MFAP3L: variants seen among roughly 807,000 people sequenced by gnomAD.
MFAP3L encodes microfibrillar-associated protein 3-like.
MFAP3L carries 5 observed loss-of-function variants against 20.0 expected under a neutral mutation model. The ratio of observed to expected loss-of-function variants is 0.25; its 90% CI spans 0.13 to 0.53. The LOEUF is 0.53. Ranked by LOEUF, MFAP3L falls within the 20% of genes least tolerant of loss-of-function variation. The pLI, the probability that MFAP3L is intolerant of heterozygous loss-of-function variation, is 0.96. For missense variants in MFAP3L, 409 were observed against 527.5 expected (o/e 0.78, Z 2.20); for synonymous variants, 219 against 213.0 (o/e 1.03, Z -0.25).
intron 2 of MFAP3L, among the ~76,000 whole-genome samples, chr4:170,000,544 A>G (rs1738540049): frequency 6.6e-6 from 1 of 152,220 alleles, no homozygotes; most frequent in Non-Finnish European, 1.5e-5. Context: ...TCCCACTTGT[A>G]GTAAAAAAGG....
intron 2 of MFAP3L, among the ~76,000 whole-genome samples, chr4:169,998,219 C>A (rs561592085): frequency 6.6e-6 from 1 of 152,330 alleles, no homozygotes; most frequent in South Asian, 2.1e-4. Flanking sequence ...CTCAATAGGA[C>A]AGTGCCAGGT....
upstream of MFAP3L, among the ~76,000 whole-genome samples, chr4:170,026,590 C>G (rs1730454255): frequency 6.6e-6 from 1 of 151,730 alleles, no homozygotes. Context: ...GGAGGAGCCA[C>G]CGGAGGCTGT....
At position 169,988,595 on chromosome 4, in the gene MFAP3L, C is replaced by T. The variant is rs1334858983; in HGVS notation, c.*2783G>A. 2.0e-5 allele frequency: 3 copies of T among 151,764 alleles called. No homozygotes were observed. Among genetic ancestry groups the T allele is most frequent in the Non-Finnish European group, 4.4e-5 (3 of 68,032 alleles). 9.4% of individuals were successfully genotyped at this position (151,764 alleles called of 1,614,324 possible). A position where few individuals can be genotyped will look rare whatever the true frequency, so the allele number is the denominator to read the frequency against. On this transcript the variant is annotated 3_prime_UTR_variant, in exon 3 of 3. Transcript: ENST00000361618. ...AATTTCTATGAAGCTGAACAGTTCA[C>T]TTTATCTTTGAAAAATCAGCTGAAA...
upstream of MFAP3L, chr4:170,026,544 CGGCGCGAGCCAGTCGGTGCTGCGGA>C (rs1560997092): frequency 6.6e-6 from 1 of 150,988 alleles, no homozygotes; most frequent in East Asian, 1.9e-4. Context: ...GCGGGCGGTG[CGGCGCGAGCCAGTCGGTGCTGCGGA>C]GCGGCCCCGC....
intron 2 of MFAP3L, among the ~76,000 whole-genome samples, chr4:170,004,521 GC>G (rs1560978928): frequency 6.6e-6 from 1 of 152,174 alleles, no homozygotes; most frequent in African/African-American, 2.4e-5. Context: ...CAATTAGACG[GC>G]TAGCAGCCTC....
intron 1 of MFAP3L, among the ~76,000 whole-genome samples, chr4:170,016,182 A>G (rs1739689149): frequency 6.6e-6 from 1 of 152,172 alleles, no homozygotes; most frequent in Admixed American, 6.5e-5. Flanking sequence ...AAACGCTAAG[A>G]TTCTTAAATT....
At chr4:170,027,237 T>C (rs1298726681), upstream of MFAP3L, 3 of 151,252 alleles carry the variant, frequency 2.0e-5, no homozygotes, top group Non-Finnish European at 4.4e-5. Context: ...TTTTTTTTTT[T>C]TTAATTTTAA....
rs1167478603 is a variant in MFAP3L at position 169,991,575 on chromosome 4, C to T, written c.1033G>A (p.Glu345Lys). The change falls in exon 3 of 3, where the codon GAG (glutamate) becomes AAG (lysine). Residue 345 changes from glutamate to lysine, a missense_variant. Glu to Lys is a moderately conservative substitution (Grantham distance 56, BLOSUM62 1). This residue lies in a region of MFAP3L where 169 missense variants were observed against 178.2 expected (regional missense o/e 0.95). Coordinates refer to ENST00000361618, the MANE Select transcript of MFAP3L (RefSeq NM_021647.8). This position sits in a 1 kb window ranked among gnomAD's most constrained non-coding sequence, Gnocchi z 4.9. ...GAATGTTCCGCCGACAGTTCTGTCT[C>T]CTCTACATCTTTGACTTCAAACTGT... is the stretch of plus-strand genomic sequence containing the variant. ...GGQFEVKDVE[E>K]TELSAEHSPE... 2 of 1,614,160 alleles carry T rather than the reference C, an allele frequency of 1.2e-6. No individual in the cohort carries two copies. Among genetic ancestry groups the T allele is most frequent in the Middle Eastern group, 1.7e-4 (1 of 6,060 alleles).
At chr4:170,003,506 C>T (rs984090620) in intron 2 of MFAP3L, among the ~76,000 whole-genome samples, 1 of 152,130 alleles carries the variant, frequency 6.6e-6, no homozygotes, top group African/African-American at 2.4e-5. Context: ...GCTAAGATAC[C>T]ACATATGTAT....
intron 1 of MFAP3L, among the ~76,000 whole-genome samples, chr4:170,014,929 A>G (rs566554591): frequency 6.6e-6 from 1 of 152,350 alleles, no homozygotes; most frequent in Admixed American, 6.5e-5. Context: ...GAAGGATAGT[A>G]TTAATAGTAC....
rs910873286 is a variant in MFAP3L, at chr4:170,013,872, G to A, written c.-133-7862C>T. Among the ~76,000 whole-genome samples, 3 of 152,146 alleles carry A rather than the reference G, an allele frequency of 2.0e-5. No individual in the cohort carries two copies. The South Asian group carries it at 6.2e-4, about 31-fold the overall frequency. ...ACCACCATGGCTCATCGTATTAATT[G>A]GGTCATTCTTAATTGATCAGAGAGA... On this transcript the variant is annotated intron_variant, in intron 1 of 2. Coordinates refer to ENST00000361618, the MANE Select transcript of MFAP3L (RefSeq NM_021647.8).
In MFAP3L at chr4:170,024,796, C is replaced by T. The variant is rs59095606; in HGVS notation, c.-134+1438G>A. On this transcript the variant is annotated intron_variant, in intron 1 of 2. Transcript: ENST00000361618. ...AACTCTATACTGGGGGAAATCACCC[C>T]AGAGAGTATCCAGAATTAGAGCTGG... Among the ~76,000 whole-genome samples, 614 of 152,284 alleles carry T rather than the reference C, an allele frequency of 4.0e-3. 8 individuals are homozygous for T. Among genetic ancestry groups the T allele is most frequent in the African/African-American group, 0.013 (544 of 41,550 alleles).
At chr4:170,006,116 T>C (rs1010332339) in intron 1 of MFAP3L, 106 bp from the exon 2 acceptor site, 8 of 172,680 alleles carry the variant, frequency 4.6e-5, no homozygotes, top group Admixed American at 3.8e-4. Flanking sequence ...ATCAACATAC[T>C]TTTTTTTTTT....
At chr4:170,022,248 C>G (rs2111079534) in intron 1 of MFAP3L, among the ~76,000 whole-genome samples, 1 of 152,308 alleles carries the variant, frequency 6.6e-6, no homozygotes, top group South Asian at 2.1e-4. Flanking sequence ...CATGCTGGTT[C>G]CAGACCTCTA....
chr4:170,009,318 G>A (rs563239056), intron 1 of MFAP3L, among the ~76,000 whole-genome samples: 3 of 151,342 alleles, frequency 2.0e-5, no homozygotes, highest in Admixed American at 6.6e-5. Context: ...AGGAGGCGGA[G>A]GTTACAGTGA....
intron 1 of MFAP3L, among the ~76,000 whole-genome samples, chr4:170,008,617 C>G (rs1739188441): frequency 6.6e-6 from 1 of 152,144 alleles, no homozygotes; most frequent in Non-Finnish European, 1.5e-5. Context: ...GGGCACCGAA[C>G]AGCTTGGGTG....
intron 2 of MFAP3L, chr4:169,997,765 G>A: frequency 1.0e-6 from 1 of 984,278 alleles, no homozygotes; most frequent in Non-Finnish European, 1.2e-6. Context: ...AGCCTGGATG[G>A]CCGACTCCTG....
intron 1 of MFAP3L, among the ~76,000 whole-genome samples, chr4:170,021,439 A>G (rs1450710563): frequency 6.6e-6 from 1 of 152,210 alleles, no homozygotes; most frequent in African/African-American, 2.4e-5. Context: ...TTCTATGAGA[A>G]CATTTGGGTA....
At chr4:169,996,209 G>T (rs141953919) in intron 2 of MFAP3L, among the ~76,000 whole-genome samples, 182 of 137,420 alleles carry the variant, frequency 1.3e-3, no homozygotes, top group Middle Eastern at 0.01. Flanking sequence ...CCAGGCACAC[G>T]AGTTAAATGT....
Sources: allele counts gnomAD v4.1 joint callset (sites outside exome capture counted in the v4.1 genomes callset), GRCh38; gene constraint gnomAD v4.1.1; regional missense constraint gnomAD v4.1.1; non-coding constraint Gnocchi (gnomAD v3.1); transcripts MANE v1.5; gene names NCBI Gene and HGNC (gene_info 2026-07-23, HGNC 2026-07-21).